The following CRYBB1 variants were observed in gnomAD, a reference collection of about 807,000 sequenced individuals.
CRYBB1 encodes the protein crystallin beta B1, also known as beta-crystallin B1.
Under a neutral mutation model 29.5 loss-of-function variants are expected in CRYBB1, and 16 were observed. That is an observed-to-expected ratio of 0.54 (90% CI 0.37 to 0.82). CRYBB1 has a LOEUF of 0.82. CRYBB1 is among the 40% of genes least tolerant of loss of function. The probability of loss-of-function intolerance (pLI) is 0.00; values close to 1 mark genes in which losing one functional copy is unlikely to be tolerated. For missense variants in CRYBB1, 300 were observed against 350.5 expected, an observed-to-expected ratio of 0.86 and a Z score of 1.15; for synonymous variants, 127 against 136.7, an observed-to-expected ratio of 0.93 and a Z score of 0.49.
intron 2 of CRYBB1, 56 bp downstream of exon 2, chr22:26,616,084 G>A (rs1602332762): frequency 1.5e-6 from 2 of 1,350,254 alleles, no homozygotes; most frequent in South Asian, 2.3e-5. Context: ...GAAGGAGGAG[G>A]AGGGAAGGAA....
intron 3 of CRYBB1, 90 bp downstream of exon 3, chr22:26,611,982 C>G: frequency 1.1e-6 from 1 of 941,420 alleles, no homozygotes; most frequent in East Asian, 2.4e-5. Flanking sequence ...CGGCCGCAGG[C>G]ACAGAGCAGA....
chr22:26,614,222 A>T (rs925924820), intron 2 of CRYBB1, among the ~76,000 whole-genome samples: 1 of 152,092 alleles, frequency 6.6e-6, no homozygotes, highest in African/African-American at 2.4e-5. Context: ...AAAGTACTTG[A>T]TGTCTGTGAC....
At chr22:26,608,350 C>G (rs1197901112) in intron 3 of CRYBB1, among the ~76,000 whole-genome samples, 2 of 152,224 alleles carry the variant, frequency 1.3e-5, no homozygotes, top group Non-Finnish European at 2.9e-5. Context: ...ATACATGCTT[C>G]AAGTACTATC....
chr22:26,608,092 C>A lies in CRYBB1; in HGVS notation c.300-71G>T, dbSNP rs984028410. ...GTAGAAGCCCCCACTCCCTACTTGCCTTTCTCTCTCCCCTGGCAAGGCAGC... is the reference window on the plus strand; with the variant it reads ...GTAGAAGCCCCCACTCCCTACTTGCATTTCTCTCTCCCCTGGCAAGGCAGC... On this transcript the variant is annotated intron_variant, in intron 3 of 5. Transcript: ENST00000647684. The A allele has an allele frequency of 6.2e-6, 10 of 1,611,218 alleles. No individual in the cohort carries two copies. In the African/African-American group the frequency reaches 9.3e-5, roughly 15 times the overall value.
chr22:26,602,108 A>G (rs2145958400), intron 4 of CRYBB1, 87 bp from the exon 5 acceptor site: 3 of 1,540,528 alleles, frequency 1.9e-6, no homozygotes, highest in Non-Finnish European at 2.7e-6. Flanking sequence ...GTGTGGAGCG[A>G]GAGAGATGAG....
Position 26,605,664 on chromosome 22 carries a change from T to A in CRYBB1, c.432+2225A>T, listed in dbSNP as rs1239354432. ...CTCCAGCCTGGGCAACAGAGTTAGA[T>A]GTGTCTCAAAAAAAAAAAAAAAAAA... On this transcript the variant is annotated intron_variant, in intron 4 of 5. Transcript: ENST00000647684. Among the ~76,000 whole-genome samples, 4 of 109,248 alleles carry A rather than the reference T, an allele frequency of 3.7e-5. No individual in the cohort carries two copies. In the Admixed American group the frequency reaches 5.0e-4, roughly 14 times the overall value. The allele number at this position is 109,248 out of a possible 152,430, so 71.7% of individuals were successfully genotyped here. A position where few individuals can be genotyped will look rare whatever the true frequency, so the allele number is the denominator to read the frequency against.
rs746761127 is a variant in CRYBB1, at chr22:26,601,949, C to G, written c.505G>C (p.Asp169His). The change falls in exon 5 of 6, where the codon GAC (aspartate) becomes CAC (histidine). Residue 169 changes from aspartate (D) to histidine (H), a missense_variant. Transcript: ENST00000647684. Reference protein sequence around the residue: ...FKGNTIEIQGDDAPSLWVYGF... With the variant: ...FKGNTIEIQGHDAPSLWVYGF... ...TAGACCCAGAGACTGGGTGCGTCGTCCCCCTGGATCTCTATGGTGTTGCCC... is the reference window on the plus strand; with the variant it reads ...TAGACCCAGAGACTGGGTGCGTCGTGCCCCTGGATCTCTATGGTGTTGCCC... 1 of 1,613,460 alleles carries G rather than the reference C, an allele frequency of 6.2e-7. No homozygotes were observed. The highest frequency in any genetic ancestry group is 8.5e-7 in the Non-Finnish European group (1 of 1,179,892).
chr22:26,601,951 C>G lies in CRYBB1; in HGVS notation c.503G>C (p.Gly168Ala). ...NFKGNTIEIQ[G>A]DDAPSLWVYG... ...GACCCAGAGACTGGGTGCGTCGTCC[C>G]CCTGGATCTCTATGGTGTTGCCCTT... Residue 168 changes from glycine (G) to alanine (A), a missense_variant, in exon 5 of 6, where the codon GGG becomes GCG. By Grantham distance (60) the Gly-to-Ala change is moderately conservative. Transcript: ENST00000647684. The G allele has an allele frequency of 6.2e-7, 1 of 1,613,448 alleles. No individual in the cohort carries two copies. The highest frequency in any genetic ancestry group is 8.5e-7 in the Non-Finnish European group (1 of 1,179,870).
At chr22:26,603,701 C>T (rs1047700070) in intron 4 of CRYBB1, among the ~76,000 whole-genome samples, 3 of 151,976 alleles carry the variant, frequency 2.0e-5, no homozygotes, top group South Asian at 2.1e-4. Flanking sequence ...GTCAGGAGTT[C>T]GAGACCAGCC....
At chr22:26,612,717 G>C (rs1052540303) in intron 2 of CRYBB1, among the ~76,000 whole-genome samples, 2 of 152,162 alleles carry the variant, frequency 1.3e-5, no homozygotes, top group Non-Finnish European at 2.9e-5. Context: ...TCCCTTTCAG[G>C]CCTTTCTTTG....
chr22:26,599,540 A>C lies in CRYBB1; in HGVS notation c.709T>G (p.Trp237Gly). ...QSLRRLRDKQ[W>G]HLEGSFPVLA... ...ACAGGGAAGGACCCCTCGAGGTGCC[A>C]CTGCTTGTCACGCAGGCGACGCAGG... is the stretch of plus-strand genomic sequence containing the variant. Residue 237 changes from tryptophan to glycine, a missense_variant, in exon 6 of 6, where the codon TGG becomes GGG. Transcript: ENST00000647684. 1 of 1,614,048 alleles carries C rather than the reference A, an allele frequency of 6.2e-7. No individual in the cohort carries two copies. Among genetic ancestry groups the C allele is most frequent in the Non-Finnish European group, 8.5e-7 (1 of 1,180,046 alleles).
Position 26,601,908 on chromosome 22 carries a change from G to A in CRYBB1, c.546C>T (p.Arg182=), listed in dbSNP as rs764285228. ...PSLWVYGFSD[R]VGSVKVSSGT... is the part of the protein sequence containing the mutation. ...CACTGGAGACCTTCACGCTGCCCAC[G>A]CGGTCACTGAAGCCGTAGACCCAGA... Residue 182 remains arginine, a synonymous_variant, in exon 5 of 6, where the codon CGC becomes CGT. Coordinates refer to ENST00000647684, the MANE Select transcript of CRYBB1 (RefSeq NM_001887.4). The A allele has an allele frequency of 2.5e-6, 4 of 1,612,320 alleles. No homozygotes were observed. Among genetic ancestry groups the A allele is most frequent in the South Asian group, 2.2e-5 (2 of 91,004 alleles).
At chr22:26,617,561 G>A (rs1929396688) in intron 1 of CRYBB1, among the ~76,000 whole-genome samples, 2 of 151,968 alleles carry the variant, frequency 1.3e-5, no homozygotes, top group African/African-American at 4.8e-5. Context: ...ATGCCTTCCT[G>A]GAGATATTCT....
intron 1 of CRYBB1, among the ~76,000 whole-genome samples, chr22:26,616,755 C>T (rs1254677899): frequency 1.3e-5 from 2 of 152,126 alleles, no homozygotes; most frequent in African/African-American, 4.8e-5. Flanking sequence ...ATTAATTAAC[C>T]CATCTGACCA....
chr22:26,607,798 T>C (rs533069461), intron 4 of CRYBB1, 91 bp downstream of exon 4: 2 of 1,581,158 alleles, frequency 1.3e-6, no homozygotes, highest in African/African-American at 2.7e-5. Context: ...CTACCCACCA[T>C]CATCTCCTTC....
At chr22:26,600,091 A>C (rs1158849521) in intron 5 of CRYBB1, among the ~76,000 whole-genome samples, 4 of 152,182 alleles carry the variant, frequency 2.6e-5, no homozygotes, top group African/African-American at 9.7e-5. Flanking sequence ...GAAAGAGAGG[A>C]AGTGTTATTT....
At chr22:26,601,548 G>A (rs943697084) in intron 5 of CRYBB1, among the ~76,000 whole-genome samples, 2 of 151,536 alleles carry the variant, frequency 1.3e-5, no homozygotes, top group African/African-American at 4.9e-5. Flanking sequence ...CCTGCTCCTG[G>A]ATGCATCCAG....
At position 26,612,061 on chromosome 22, in the gene CRYBB1, C is replaced by T. The variant is rs1371343632; in HGVS notation, c.299+11G>A. The T allele has an allele frequency of 2.5e-6, 4 of 1,597,110 alleles. No homozygotes were observed. The highest frequency in any genetic ancestry group is 1.7e-5 in the Admixed American group (1 of 59,976). On this transcript the variant is annotated intron_variant, in intron 3 of 5. Coordinates refer to ENST00000647684, the MANE Select transcript of CRYBB1 (RefSeq NM_001887.4). Reference sequence around the variant, plus strand: ...GGCAGAGAGTGTGCCCCTCCGCCGCCCAGTACTCACGGTCCCGCGGAGACA... The same window carrying T: ...GGCAGAGAGTGTGCCCCTCCGCCGCTCAGTACTCACGGTCCCGCGGAGACA...
chr22:26,602,900 G>A (rs1928865469), intron 4 of CRYBB1, among the ~76,000 whole-genome samples: 1 of 152,006 alleles, frequency 6.6e-6, no homozygotes, highest in African/African-American at 2.4e-5. Flanking sequence ...GAGGCGGGCA[G>A]ATCATGTGGT....
Sources: gnomAD v4.1 joint callset for allele counts (sites outside exome capture counted in the v4.1 genomes callset) on GRCh38, gnomAD v4.1.1 for gene constraint, MANE v1.5 for transcripts, NCBI Gene and HGNC (gene_info 2026-07-23, HGNC 2026-07-21) for gene names.